The following CFAP57 variants were observed in gnomAD, a reference collection of about 807,000 sequenced individuals.
The protein encoded by CFAP57 is cilia and flagella associated protein 57.
CFAP57 carries 116 observed loss-of-function variants against 146.8 expected under a neutral mutation model. The observed-to-expected ratio is 0.79, with a 90% CI of 0.68 to 0.92. The LOEUF (loss-of-function observed/expected upper bound fraction) is 0.92. Ranked by LOEUF, CFAP57 falls within the 40% of genes least tolerant of loss-of-function variation. The probability of loss-of-function intolerance (pLI) is 0.00; values close to 1 mark genes in which losing one functional copy is unlikely to be tolerated. For synonymous variants in CFAP57, 518 were observed against 552.8 expected (o/e 0.94, Z 0.88); for missense variants, 1,377 against 1,527.2 (o/e 0.90, Z 1.64).
At chr1:43,253,185 G>T (rs1020846633) in intron 22 of CFAP57, among the ~76,000 whole-genome samples, 1 of 152,174 alleles carries the variant, frequency 6.6e-6, no homozygotes, top group African/African-American at 2.4e-5. Context: ...GGGTCTAGCT[G>T]GCCAGAAAAG....
At chr1:43,184,910 T>G in intron 4 of CFAP57, 1 of 500,892 alleles carries the variant, frequency 2.0e-6, no homozygotes, top group Non-Finnish European at 3.6e-6. Context: ...GCGACTGTTT[T>G]CCTCTACAAC....
intron 14 of CFAP57, among the ~76,000 whole-genome samples, chr1:43,221,904 C>A (rs981128616): frequency 2.6e-5 from 4 of 152,144 alleles, no homozygotes; most frequent in African/African-American, 9.7e-5. Flanking sequence ...CCAGAGCAGG[C>A]AGGCAGGGAG....
intron 11 of CFAP57, among the ~76,000 whole-genome samples, chr1:43,212,548 GC>G (rs1328618722): frequency 6.6e-6 from 1 of 152,142 alleles, no homozygotes; most frequent in African/African-American, 2.4e-5. Flanking sequence ...TGTGTTGGGA[GC>G]ATTTCAAGTC....
intron 9 of CFAP57, 100 bp downstream of exon 9, chr1:43,199,603 C>A: frequency 9.6e-7 from 1 of 1,044,152 alleles, no homozygotes; most frequent in Non-Finnish European, 1.5e-6. Flanking sequence ...GGTTCCTTTC[C>A]TCATGGGTTC....
Position 43,198,485 on chromosome 1 carries a change from C to A in CFAP57, c.1267C>A (p.Leu423Met). ...IRLWNYETNTLELFKEYQEEA... is the reference protein window; with the variant it reads ...IRLWNYETNTMELFKEYQEEA... ...AGTAATTGATCTTTTTCACAGCACC[C>A]TGGAACTATTTAAGGAATACCAAGA... Residue 423 changes from leucine to methionine, a missense_variant, in exon 8 of 23, where the codon CTG becomes ATG. Physicochemically the swap from Leu to Met is conservative, Grantham distance 15. Transcript: ENST00000372492. The A allele has an allele frequency of 6.2e-7, 1 of 1,613,914 alleles. No homozygotes were observed. The highest frequency in any genetic ancestry group is 1.1e-5 in the South Asian group (1 of 91,078).
chr1:43,221,546 C>T (rs1645043483), intron 14 of CFAP57, 81 bp downstream of exon 14: 21 of 895,868 alleles, frequency 2.3e-5, no homozygotes, highest in Non-Finnish European at 3.2e-5. Context: ...CCCCCAGACA[C>T]AGTAGAAGTC....
At chr1:43,173,243 T>C (rs1645045775) in intron 2 of CFAP57, among the ~76,000 whole-genome samples, 1 of 152,224 alleles carries the variant, frequency 6.6e-6, no homozygotes, top group African/African-American at 2.4e-5. Flanking sequence ...ACAGTTTTCC[T>C]GAGCACACCA....
intron 12 of CFAP57, among the ~76,000 whole-genome samples, chr1:43,217,047 A>G (rs1397149414): frequency 6.6e-6 from 1 of 152,234 alleles, no homozygotes; most frequent in East Asian, 1.9e-4. Context: ...AGAGGACATG[A>G]GCCTTGCTCA....
chr1:43,207,468 C>T (rs982549734), intron 10 of CFAP57, among the ~76,000 whole-genome samples: 2 of 152,208 alleles, frequency 1.3e-5, no homozygotes, highest in Admixed American at 1.3e-4. Context: ...AGGTTTGTAG[C>T]CTCGGAGCAG....
rs1334134347 is a variant in CFAP57 at position 43,215,324 on chromosome 1, G to A, written c.1999G>A (p.Val667Ile). 17 of 1,551,336 alleles carry A rather than the reference G, an allele frequency of 1.1e-5. No homozygotes were observed. Among genetic ancestry groups the A allele is most frequent in the Non-Finnish European group, 1.4e-5 (16 of 1,147,136 alleles). ...GGATGGCTGCCTGTTCACCTGGAAG[G>A]TCTTTGATAAGGATGGCCGGGGAAT... ...AEDGCLFTWK[V>I]FDKDGRGIKR... The change falls in exon 12 of 23, where the codon GTC (valine) becomes ATC (isoleucine). Residue 667 changes from valine (V) to isoleucine (I), a missense_variant. Coordinates refer to ENST00000372492, the MANE Select transcript of CFAP57 (RefSeq NM_001378189.1).
At chr1:43,204,255 G>A (rs1324168918) in intron 9 of CFAP57, among the ~76,000 whole-genome samples, 5 of 152,030 alleles carry the variant, frequency 3.3e-5, no homozygotes, top group African/African-American at 9.7e-5. Flanking sequence ...TTATTTAAGC[G>A]TAGTTTCCTT....
rs1426864512 is a variant in CFAP57, at chr1:43,224,218, T to C, written c.2865+14T>C. 6.6e-7 allele frequency: 1 copy of C among 1,520,576 alleles called. No individual in the cohort carries two copies. Among genetic ancestry groups the C allele is most frequent in the Non-Finnish European group, 8.8e-7 (1 of 1,130,896 alleles). 94.2% of individuals were successfully genotyped at this position (1,520,576 alleles called of 1,614,324 possible). On this transcript the variant is annotated intron_variant, in intron 17 of 22. Coordinates refer to ENST00000372492, the MANE Select transcript of CFAP57 (RefSeq NM_001378189.1). ...ATTCAAGACAAGGTGCAGCTCTCCT[T>C]CTGTCCTCCCTCAGCTACGGCCAGA...
intron 9 of CFAP57, among the ~76,000 whole-genome samples, chr1:43,202,229 T>G (rs1462422961): frequency 6.6e-6 from 1 of 152,054 alleles, no homozygotes; most frequent in African/African-American, 2.4e-5. Flanking sequence ...AAAAGATACA[T>G]AAGCATCCAT....
At chr1:43,182,065 G>A (rs1049480541) in intron 3 of CFAP57, among the ~76,000 whole-genome samples, 9 of 152,208 alleles carry the variant, frequency 5.9e-5, no homozygotes, top group African/African-American at 2.2e-4. Context: ...GATCACAGAG[G>A]TAGTGAATAG....
intron 22 of CFAP57, among the ~76,000 whole-genome samples, chr1:43,245,132 A>G (rs1194743179): frequency 1.3e-5 from 2 of 151,900 alleles, no homozygotes; most frequent in African/African-American, 4.8e-5. Flanking sequence ...AACATGGCGA[A>G]ACCACATCTC....
At position 43,198,538 on chromosome 1, in the gene CFAP57, A is replaced by G. The variant is rs771027394; in HGVS notation, c.1320A>G (p.Pro440=). The change falls in exon 8 of 23, where the codon CCA becomes CCG. Residue 440 remains proline, a synonymous_variant. Coordinates refer to ENST00000372492, the MANE Select transcript of CFAP57 (RefSeq NM_001378189.1). ...QEEAYSISLH[P]SGHFIVVGFA... is the part of the protein sequence containing the mutation. ...AGGCATATTCCATCAGCCTTCATCC[A>G]TCTGGACACTTCATTGTAGTAGGGT... 2.2e-5 allele frequency: 35 copies of G among 1,614,068 alleles called. 1 individual carries two copies. The South Asian group carries it at 3.3e-4, about 15-fold the overall frequency.
intron 18 of CFAP57, among the ~76,000 whole-genome samples, chr1:43,230,379 C>A (rs934686187): frequency 6.6e-6 from 1 of 152,208 alleles, no homozygotes; most frequent in African/African-American, 2.4e-5. Flanking sequence ...TTCAGCAGAA[C>A]CTCTGCATCA....
intron 13 of CFAP57, among the ~76,000 whole-genome samples, chr1:43,220,963 A>T (rs1402897573): frequency 6.6e-6 from 1 of 152,154 alleles, no homozygotes; most frequent in Non-Finnish European, 1.5e-5. Context: ...TCGCCCCCCA[A>T]GCCTGAAAGC....
chr1:43,224,227 C>T, intron 17 of CFAP57, 23 bp downstream of exon 17: 1 of 1,509,386 alleles, frequency 6.6e-7, no homozygotes, highest in Non-Finnish European at 8.9e-7. Flanking sequence ...TTCTGTCCTC[C>T]CTCAGCTACG....
Sources: allele counts gnomAD v4.1 joint callset (sites outside exome capture counted in the v4.1 genomes callset), GRCh38; gene constraint gnomAD v4.1.1; transcripts MANE v1.5; gene names NCBI Gene and HGNC (gene_info 2026-07-23, HGNC 2026-07-21).